GFM1: variants seen among roughly 807,000 people sequenced by gnomAD.
The protein encoded by GFM1 is G elongation factor mitochondrial 1.
GFM1 carries 62 observed loss-of-function variants against 96.2 expected under a neutral mutation model. That is an observed-to-expected ratio of 0.64 (90% CI 0.53 to 0.80). The LOEUF (loss-of-function observed/expected upper bound fraction) is 0.80. Among genes scored for constraint, GFM1 ranks in the 30% least tolerant of loss-of-function variants. GFM1 has a pLI of 0.00. For synonymous variants in GFM1, 282 were observed against 312.9 expected (o/e 0.90, Z 1.04); for missense variants, 852 against 916.6 (o/e 0.93, Z 0.91).
intron 7 of GFM1, 149 bp from the exon 8 acceptor site, chr3:158,654,398 T>G (rs1722568814): frequency 5.1e-6 from 3 of 587,926 alleles, no homozygotes; most frequent in Non-Finnish European, 9.0e-6. Flanking sequence ...TTTCTATTGA[T>G]CTCTTTCAGT....
In GFM1 at chr3:158,646,931, G is replaced by A. The variant is rs1296265723; in HGVS notation, c.556G>A (p.Ala186Thr). The A allele has an allele frequency of 6.2e-7, 1 of 1,613,916 alleles. No homozygotes were observed. Among genetic ancestry groups the A allele is most frequent in the African/African-American group, 1.3e-5 (1 of 74,916 alleles). The change falls in exon 4 of 18, where the codon GCC (alanine) becomes ACC (threonine). Residue 186 changes from alanine (A) to threonine (T), a missense_variant. Coordinates refer to ENST00000486715, the MANE Select transcript of GFM1 (RefSeq NM_024996.7). ...CCGAATGGGCTCCAACCCAGCCAGGGCCCTGCAGCAAATGAGGTAATGAGC... is the reference window on the plus strand; with the variant it reads ...CCGAATGGGCTCCAACCCAGCCAGGACCCTGCAGCAAATGAGGTAATGAGC... ...LDRMGSNPAR[A>T]LQQMRSKLNH...
intron 2 of GFM1, 108 bp from the exon 3 acceptor site, chr3:158,646,057 A>G (rs1431108587): frequency 7.4e-7 from 1 of 1,353,420 alleles, no homozygotes; most frequent in Admixed American, 1.7e-5. Context: ...TGCTGGGATT[A>G]TAGGCATGAG....
intron 13 of GFM1, among the ~76,000 whole-genome samples, chr3:158,678,010 A>G (rs1725047367): frequency 6.6e-6 from 1 of 152,206 alleles, no homozygotes; most frequent in African/African-American, 2.4e-5. Context: ...GCCCATAATA[A>G]TTATGCTAAA....
chr3:158,679,273 C>T (rs912245736), intron 13 of GFM1, among the ~76,000 whole-genome samples: 1 of 152,102 alleles, frequency 6.6e-6, no homozygotes, highest in Non-Finnish European at 1.5e-5. Context: ...AAACATATAG[C>T]TTTTATAAGC....
intron 10 of GFM1, among the ~76,000 whole-genome samples, 160 bp from the exon 11 acceptor site, chr3:158,662,468 T>C (rs1315504131): frequency 6.6e-6 from 1 of 152,182 alleles, no homozygotes; most frequent in Non-Finnish European, 1.5e-5. Context: ...ATGTACTTAT[T>C]TAATGCAAAA....
intron 5 of GFM1, chr3:158,650,742 G>A (rs979307612): frequency 6.6e-6 from 1 of 152,276 alleles, no homozygotes; most frequent in African/African-American, 2.4e-5. Context: ...ATAACTTGAG[G>A]CCAGGCGCAG....
chr3:158,649,376 C>T, intron 5 of GFM1: 1 of 411,390 alleles, frequency 2.4e-6, no homozygotes, highest in Non-Finnish European at 4.5e-6. Flanking sequence ...GTAATATACC[C>T]ATATCACATT....
chr3:158,645,186 A>G (rs925714291), intron 1 of GFM1, among the ~76,000 whole-genome samples: 2 of 152,196 alleles, frequency 1.3e-5, no homozygotes, highest in Non-Finnish European at 2.9e-5. Flanking sequence ...TCTTGGAGCT[A>G]CTAGCATCAC....
chr3:158,644,634 C>T lies in GFM1; in HGVS notation c.-1C>T. On this transcript the variant is annotated 5_prime_UTR_variant, in exon 1 of 18. Transcript: ENST00000486715. ...ACTTTGACGCGTGCTCTGCGCTTGC[C>T]ATGAGACTCCTGGGAGCTGCAGCCG... 6.4e-7 allele frequency: 1 copy of T among 1,569,584 alleles called. No individual in the cohort carries two copies. Among genetic ancestry groups the T allele is most frequent in the Non-Finnish European group, 8.6e-7 (1 of 1,157,904 alleles).
chr3:158,645,196 C>T (rs1389128644), intron 1 of GFM1, among the ~76,000 whole-genome samples: 3 of 152,142 alleles, frequency 2.0e-5, no homozygotes, highest in Non-Finnish European at 4.4e-5. Context: ...ACTAGCATCA[C>T]TGCATAGAGC....
intron 13 of GFM1, among the ~76,000 whole-genome samples, chr3:158,675,566 A>G (rs1226083571): frequency 6.6e-6 from 1 of 152,054 alleles, no homozygotes; most frequent in African/African-American, 2.4e-5. Flanking sequence ...AATTTTATAT[A>G]TTGATCAAAT....
At position 158,669,575 on chromosome 3, in the gene GFM1, G is replaced by A. The variant is rs1487580886; in HGVS notation, c.1601+3189G>A. On this transcript the variant is annotated intron_variant, in intron 13 of 17. Transcript: ENST00000486715. ...GTGCAGTTTCTTGTCCCGTTGAAGG[G>A]TAAAGTACTTCAGCTGTGCAGTTCA... is the stretch of plus-strand genomic sequence containing the variant. The A allele has an allele frequency of 2.5e-6, 4 of 1,613,828 alleles. No homozygotes were observed. In the African/African-American group the frequency reaches 4.0e-5, roughly 16 times the overall value.
intron 13 of GFM1, among the ~76,000 whole-genome samples, chr3:158,670,669 A>G (rs1576765534): frequency 1.3e-5 from 2 of 152,336 alleles, no homozygotes; most frequent in Non-Finnish European, 2.9e-5. Context: ...ATCAGCAAAG[A>G]TGATCTGGAA....
intron 13 of GFM1, among the ~76,000 whole-genome samples, chr3:158,676,836 A>T (rs1271283391): frequency 1.3e-5 from 2 of 151,854 alleles, no homozygotes; most frequent in Non-Finnish European, 2.9e-5. Context: ...AGTAGCTAGG[A>T]TTACAGGTGC....
rs1722148458 is a variant in GFM1, at chr3:158,649,851, C to T, written c.689+694C>T. 1.3e-5 allele frequency: 8 copies of T among 624,916 alleles called. No individual in the cohort carries two copies. In the East Asian group the frequency reaches 1.9e-4, roughly 15 times the overall value. 38.7% of individuals were successfully genotyped at this position (624,916 alleles called of 1,614,324 possible). Reference sequence around the variant, plus strand: ...TCTGATCAGTAGATTGGGGTGGGGCCCGTAGTTTGCATTTCTGGAAGGTTT... The same window carrying T: ...TCTGATCAGTAGATTGGGGTGGGGCTCGTAGTTTGCATTTCTGGAAGGTTT... On this transcript the variant is annotated intron_variant, in intron 5 of 17. Transcript: ENST00000486715.
At chr3:158,651,784 T>G (rs890851611) in intron 5 of GFM1, among the ~76,000 whole-genome samples, 29 of 152,010 alleles carry the variant, frequency 1.9e-4, no homozygotes, top group African/African-American at 2.4e-5. Flanking sequence ...AAACTTGATA[T>G]GCAGAAAAGT....
chr3:158,691,869 T>C lies in GFM1; in HGVS notation c.*402T>C, dbSNP rs1726350603. The C allele has an allele frequency of 5.4e-6, 1 of 186,414 alleles. No homozygotes were observed. The highest frequency in any genetic ancestry group is 1.1e-5 in the Non-Finnish European group (1 of 89,106). 11.5% of individuals were successfully genotyped at this position (186,414 alleles called of 1,614,324 possible). A position where few individuals can be genotyped will look rare whatever the true frequency, so the allele number is the denominator to read the frequency against. On this transcript the variant is annotated 3_prime_UTR_variant, in exon 18 of 18. Transcript: ENST00000486715. ...TGAAAAAATGCAAAGAATAACCACA[T>C]ACTTTCCATCTACCTTCCTTTGTTA...
intron 9 of GFM1, chr3:158,660,249 T>G (rs1481154558): frequency 2.4e-5 from 2 of 82,282 alleles, no homozygotes; most frequent in African/African-American, 6.1e-5. Flanking sequence ...AGTACATGCC[T>G]TTTTTTTTTT....
rs1395300328 is a variant in GFM1, at chr3:158,692,811, C to T, written c.*1344C>T. Among the ~76,000 whole-genome samples, 1 of 151,972 alleles carries T rather than the reference C, an allele frequency of 6.6e-6. No homozygotes were observed. The highest frequency in any genetic ancestry group is 1.5e-5 in the Non-Finnish European group (1 of 68,024). On this transcript the variant is annotated 3_prime_UTR_variant, in exon 18 of 18. Coordinates refer to ENST00000486715, the MANE Select transcript of GFM1 (RefSeq NM_024996.7). ...GGTTCAAGCAATTATCCCATCTCAG[C>T]TGCCTAAGTAGGTGGGACTACAGGT...
Sources: allele counts gnomAD v4.1 joint callset (sites outside exome capture counted in the v4.1 genomes callset), GRCh38; gene constraint gnomAD v4.1.1; transcripts MANE v1.5; gene names NCBI Gene and HGNC (gene_info 2026-07-23, HGNC 2026-07-21).